Variants in SOX5 observed in about 807,000 individuals in gnomAD.
SOX5 encodes SRY-box transcription factor 5.
In SOX5, 9 loss-of-function variants were observed where a neutral mutation model predicts 92.0. The ratio of observed to expected loss-of-function variants is 0.10; its 90% CI spans 0.06 to 0.17. The LOEUF is 0.17. Ranked by LOEUF, SOX5 falls within the 10% of genes least tolerant of loss-of-function variation. The pLI, the probability that SOX5 is intolerant of heterozygous loss-of-function variation, is 1.00. For synonymous variants in SOX5, 344 were observed against 336.3 expected, an observed-to-expected ratio of 1.02 and a Z score of -0.25; for missense variants, 642 against 944.5, an observed-to-expected ratio of 0.68 and a Z score of 4.20.
At chr12:24,501,149 T>C (rs893448145) in intron 1 of SOX5, among the ~76,000 whole-genome samples, 2 of 152,202 alleles carry the variant, frequency 1.3e-5, no homozygotes, top group Non-Finnish European at 2.9e-5. Context: ...CCTTATAAAT[T>C]AGCCTACCAG....
chr12:24,363,537 T>C (rs1025690609), intron 2 of SOX5, among the ~76,000 whole-genome samples: 4 of 152,216 alleles, frequency 2.6e-5, no homozygotes, highest in South Asian at 2.1e-4. Flanking sequence ...GTAGAATTTA[T>C]AGCAATAACA....
chr12:23,794,123 T>C (rs1567813570), intron 3 of SOX5, among the ~76,000 whole-genome samples: 1 of 152,322 alleles, frequency 6.6e-6, no homozygotes, highest in East Asian at 1.9e-4. Flanking sequence ...AAGTTTTATC[T>C]AGATAATCCT....
intron 1 of SOX5, among the ~76,000 whole-genome samples, chr12:24,384,813 A>T (rs932762317): frequency 6.6e-6 from 1 of 152,192 alleles, no homozygotes; most frequent in African/African-American, 2.4e-5. Context: ...GATTTCAGCA[A>T]GGGATCTCCT....
chr12:24,225,177 G>A (rs1289173655), intron 3 of SOX5, among the ~76,000 whole-genome samples: 6 of 152,014 alleles, frequency 3.9e-5, no homozygotes, highest in African/African-American at 7.3e-5. Flanking sequence ...TCTTTCCTTC[G>A]CTCAGGTGGA....
chr12:24,096,884 T>C (rs558096739), intron 4 of SOX5, among the ~76,000 whole-genome samples: 1 of 152,276 alleles, frequency 6.6e-6, no homozygotes, highest in East Asian at 1.9e-4. Context: ...TTCTTGAGTA[T>C]GTATATAGAA....
At chr12:23,823,011 T>C (rs2096152631) in intron 3 of SOX5, among the ~76,000 whole-genome samples, 1 of 152,212 alleles carries the variant, frequency 6.6e-6, no homozygotes, top group African/African-American at 2.4e-5. Context: ...ATGTGTGTCT[T>C]TGCACATGAG....
chr12:23,801,824 T>C (rs1458049379), intron 3 of SOX5, among the ~76,000 whole-genome samples: 1 of 152,086 alleles, frequency 6.6e-6, no homozygotes, highest in South Asian at 2.1e-4. Context: ...AGTTGTATAG[T>C]TAGGGGAAAC....
intron 1 of SOX5, among the ~76,000 whole-genome samples, chr12:24,497,307 A>T (rs536489481): frequency 4.3e-4 from 66 of 152,334 alleles, no homozygotes; most frequent in Non-Finnish European, 1.8e-4. Context: ...GTTTATTTTT[A>T]AAAAAGTATG....
intron 1 of SOX5, among the ~76,000 whole-genome samples, chr12:24,542,731 G>T (rs1408176634): frequency 6.6e-6 from 1 of 152,202 alleles, no homozygotes; most frequent in Non-Finnish European, 1.5e-5. Flanking sequence ...ACACCAAATT[G>T]AATGCTTTGT....
At chr12:23,779,219 A>G (rs2095203237) in intron 3 of SOX5, among the ~76,000 whole-genome samples, 1 of 152,066 alleles carries the variant, frequency 6.6e-6, no homozygotes, top group African/African-American at 2.4e-5. Flanking sequence ...TATTTTGAGA[A>G]ATGTTTATTT....
chr12:23,854,323 C>A (rs978003210), intron 2 of SOX5, among the ~76,000 whole-genome samples: 1 of 151,280 alleles, frequency 6.6e-6, no homozygotes, highest in Non-Finnish European at 1.5e-5. Flanking sequence ...TCCTCCCATG[C>A]AGTAAAATAT....
At chr12:24,167,965 G>GC (rs1953621472) in intron 4 of SOX5, among the ~76,000 whole-genome samples, 1 of 152,192 alleles carries the variant, frequency 6.6e-6, no homozygotes, top group Admixed American at 6.5e-5. Flanking sequence ...CAAAGGCAAA[G>GC]CACAGACTGC....
chr12:23,641,121 T>C (rs1231402728), intron 7 of SOX5, among the ~76,000 whole-genome samples: 2 of 152,134 alleles, frequency 1.3e-5, no homozygotes, highest in African/African-American at 4.8e-5. Context: ...CCTCATCCTT[T>C]TTTCATGATG....
intron 4 of SOX5, among the ~76,000 whole-genome samples, chr12:24,104,183 A>G (rs1043330227): frequency 6.6e-6 from 1 of 152,248 alleles, no homozygotes; most frequent in African/African-American, 2.4e-5. Context: ...ATGTATGTCA[A>G]TAATGGAAAT....
At chr12:23,804,968 T>TATATATATATATATA (rs2095742335) in intron 3 of SOX5, among the ~76,000 whole-genome samples, 1 of 5,252 alleles carries the variant, frequency 1.9e-4, no homozygotes, top group African/African-American at 4.0e-4. Context: ...TATATATATA[T>TATATATATATATATA]TCCTTTAAAA....
intron 1 of SOX5, among the ~76,000 whole-genome samples, chr12:24,503,473 T>C (rs1423769080): frequency 6.6e-6 from 1 of 152,304 alleles, no homozygotes; most frequent in East Asian, 1.9e-4. Flanking sequence ...AGAACCGCCA[T>C]AGTCTAAATG....
chr12:23,671,040 G>A (rs141774720), intron 6 of SOX5, among the ~76,000 whole-genome samples: 2 of 152,204 alleles, frequency 1.3e-5, no homozygotes, highest in East Asian at 3.9e-4. Flanking sequence ...TGAACAATAG[G>A]CTTTGGGCTT....
intron 4 of SOX5, among the ~76,000 whole-genome samples, chr12:24,091,648 A>C (rs1050043394): frequency 6.6e-6 from 1 of 152,160 alleles, no homozygotes; most frequent in African/African-American, 2.4e-5. Flanking sequence ...ATAGTCCCAT[A>C]ATCAGATGAG....
intron 3 of SOX5, among the ~76,000 whole-genome samples, chr12:23,838,612 A>C (rs1454171509): frequency 6.6e-6 from 1 of 152,028 alleles, no homozygotes; most frequent in East Asian, 1.9e-4. Flanking sequence ...GTCTTTATTT[A>C]CCAAGTCACT....
Sources: gnomAD v4.1 joint callset for allele counts (sites outside exome capture counted in the v4.1 genomes callset) on GRCh38, gnomAD v4.1.1 for gene constraint, MANE v1.5 for transcripts, NCBI Gene and HGNC (gene_info 2026-07-23, HGNC 2026-07-21) for gene names.